Variants in DYTN observed in about 807,000 individuals in gnomAD.
DYTN encodes the protein dystrotelin.
A neutral mutation model predicts 69.6 loss-of-function variants in DYTN; 75 were observed. The observed-to-expected ratio is 1.08, with a 90% CI of 0.89 to 1.31. The LOEUF (loss-of-function observed/expected upper bound fraction) is 1.31, where lower values mean the gene tolerates loss of function less well. Among genes scored for constraint, DYTN ranks in the 50% most tolerant of loss-of-function variants. The pLI, the probability that DYTN is intolerant of heterozygous loss-of-function variation, is 0.00. For missense variants in DYTN, 726 were observed against 688.4 expected (o/e 1.05, Z -0.61); for synonymous variants, 252 against 249.1 (o/e 1.01, Z -0.11).
chr2:206,708,171 T>C (rs1700045866), intron 2 of DYTN, among the ~76,000 whole-genome samples: 1 of 152,210 alleles, frequency 6.6e-6, no homozygotes, highest in African/African-American at 2.4e-5. Flanking sequence ...ATGGTTTATT[T>C]CTTATACTGA....
intron 9 of DYTN, among the ~76,000 whole-genome samples, chr2:206,679,921 G>A (rs773674921): frequency 6.6e-6 from 1 of 152,136 alleles, no homozygotes; most frequent in African/African-American, 2.4e-5. Flanking sequence ...GTATTGTTCT[G>A]CTCTGTCTTC....
intron 9 of DYTN, among the ~76,000 whole-genome samples, chr2:206,673,102 G>T (rs568693855): frequency 6.6e-6 from 1 of 152,054 alleles, no homozygotes; most frequent in South Asian, 2.1e-4. Flanking sequence ...CCTCCAGTAG[G>T]CCCCAGTGTG....
chr2:206,655,356 T>C (rs934572598), intron 11 of DYTN, among the ~76,000 whole-genome samples: 1 of 151,762 alleles, frequency 6.6e-6, no homozygotes, highest in Non-Finnish European at 1.5e-5. Context: ...AATGATTCTC[T>C]TGTCTCAGTC....
intron 1 of DYTN, among the ~76,000 whole-genome samples, chr2:206,711,719 A>G (rs1472817302): frequency 6.6e-6 from 1 of 151,532 alleles, no homozygotes; most frequent in African/African-American, 2.4e-5. Flanking sequence ...GTATCTCCCA[A>G]TCCTATCCCT....
chr2:206,662,657 T>G (rs1699525453), intron 11 of DYTN, among the ~76,000 whole-genome samples: 1 of 151,726 alleles, frequency 6.6e-6, no homozygotes, highest in Non-Finnish European at 1.5e-5. Flanking sequence ...ATTTACTGAA[T>G]GCTCACTATA....
At chr2:206,708,166 T>G (rs1700045811) in intron 2 of DYTN, among the ~76,000 whole-genome samples, 1 of 152,208 alleles carries the variant, frequency 6.6e-6, no homozygotes, top group African/African-American at 2.4e-5. Flanking sequence ...AAATAATGGT[T>G]TATTTCTTAT....
At chr2:206,681,073 T>C (rs1484305198) in intron 9 of DYTN, among the ~76,000 whole-genome samples, 1 of 152,228 alleles carries the variant, frequency 6.6e-6, no homozygotes, top group Non-Finnish European at 1.5e-5. Flanking sequence ...TAGTTCTCCT[T>C]GAAGAGGTCC....
chr2:206,655,553 G>A (rs1251017719), intron 11 of DYTN, among the ~76,000 whole-genome samples: 1 of 151,746 alleles, frequency 6.6e-6, no homozygotes, highest in African/African-American at 2.4e-5. Context: ...GGGACTGCAG[G>A]CACGTACCAA....
intron 1 of DYTN, among the ~76,000 whole-genome samples, chr2:206,714,193 CACTCTT>C (rs1700105762): frequency 6.6e-6 from 1 of 151,992 alleles, no homozygotes; most frequent in African/African-American, 2.4e-5. Flanking sequence ...GTTTAAGGGC[CACTCTT>C]TTTTCTTTCT....
intron 2 of DYTN, 63 bp downstream of exon 2, chr2:206,710,461 T>A (rs940046180): frequency 4.2e-5 from 62 of 1,485,066 alleles, no homozygotes; most frequent in Non-Finnish European, 5.5e-5. Flanking sequence ...GTTTTCTCTA[T>A]GAATTTTACA....
At chr2:206,693,058 C>G (rs957328312) in intron 9 of DYTN, 117 bp downstream of exon 9, 2 of 1,382,260 alleles carry the variant, frequency 1.4e-6, no homozygotes, top group Non-Finnish European at 9.5e-7. Flanking sequence ...AACCCTCACC[C>G]CTCCTCCTGC....
In DYTN at chr2:206,699,772, G is replaced by C; in HGVS notation, c.674C>G (p.Pro225Arg). The part of the protein sequence containing the change: ...RLSAAERVTH[P>R]ARCTLCRTFP... The stretch of plus-strand genomic sequence containing the variant: ...AGTCCTGCAGAGAGTGCACCGAGCA[G>C]GGTGAGTGACCCTTTCAGCAGCTGA... Residue 225 changes from proline (P) to arginine (R), a missense_variant, in exon 7 of 12, where the codon CCT (proline) becomes CGT (arginine). Pro to Arg is a moderately radical substitution (Grantham distance 103). Transcript: ENST00000452335. 2 of 1,613,870 alleles carry C rather than the reference G, an allele frequency of 1.2e-6. No homozygotes were observed. The highest frequency in any genetic ancestry group is 1.7e-6 in the Non-Finnish European group (2 of 1,179,814).
chr2:206,710,756 T>C (rs1700072526), intron 1 of DYTN, among the ~76,000 whole-genome samples, 158 bp from the exon 2 acceptor site: 1 of 152,110 alleles, frequency 6.6e-6, no homozygotes, highest in African/African-American at 2.4e-5. Flanking sequence ...CAAATAAAAA[T>C]AGACTTACAT....
At position 206,707,388 on chromosome 2, in the gene DYTN, A is replaced by G; in HGVS notation, c.210T>C (p.Phe70=). Residue 70 remains phenylalanine, a synonymous_variant, in exon 3 of 12, where the codon TTT becomes TTC. Coordinates refer to ENST00000452335, the MANE Select transcript of DYTN (RefSeq NM_001093730.1). ...QQLSQALQEL[F]QKAREENPGQ... Reference sequence around the variant, plus strand: ...CTGGGTTTTCCTCCCTGGCCTTCTGAAACAGCTCTTGGAGTGCCTGAGAAA... The same window carrying G: ...CTGGGTTTTCCTCCCTGGCCTTCTGGAACAGCTCTTGGAGTGCCTGAGAAA... 2 of 1,613,244 alleles carry G rather than the reference A, an allele frequency of 1.2e-6. No individual in the cohort carries two copies. The highest frequency in any genetic ancestry group is 1.7e-6 in the Non-Finnish European group (2 of 1,179,694).
Position 206,706,346 on chromosome 2 carries a change from G to A in DYTN, c.297-473C>T, listed in dbSNP as rs189198358. Among the ~76,000 whole-genome samples, 13 of 152,206 alleles carry A rather than the reference G, an allele frequency of 8.5e-5. No homozygotes were observed. In the South Asian group the frequency reaches 1.2e-3, roughly 15 times the overall value. ...CCCACTTGCTGTCTAGTTTACAAAC[G>A]TACTGAACAATTTATCGAAGGCAGG... On this transcript the variant is annotated intron_variant, in intron 3 of 11. Transcript: ENST00000452335.
chr2:206,659,991 G>T (rs972459297), intron 11 of DYTN, among the ~76,000 whole-genome samples: 1 of 115,386 alleles, frequency 8.7e-6, no homozygotes, highest in Non-Finnish European at 1.9e-5. Context: ...TACTTGCAAA[G>T]TATAAAGATG....
intron 2 of DYTN, among the ~76,000 whole-genome samples, chr2:206,708,872 G>A (rs1354368017): frequency 6.6e-6 from 1 of 152,116 alleles, no homozygotes; most frequent in Non-Finnish European, 1.5e-5. Flanking sequence ...CACTGTTTCT[G>A]ATGCCAGAGA....
chr2:206,703,370 T>C (rs2105900301), intron 5 of DYTN, among the ~76,000 whole-genome samples: 1 of 152,192 alleles, frequency 6.6e-6, no homozygotes. Context: ...TGATATGAGA[T>C]GGGTGGAAGT....
intron 9 of DYTN, among the ~76,000 whole-genome samples, chr2:206,680,799 T>A (rs1255008070): frequency 3.3e-5 from 5 of 152,270 alleles, no homozygotes; most frequent in South Asian, 2.1e-4. Flanking sequence ...CTCCAATAAT[T>A]CTCCCCTGTT....
Sources: gnomAD v4.1 joint callset for allele counts (sites outside exome capture counted in the v4.1 genomes callset) on GRCh38, gnomAD v4.1.1 for gene constraint, MANE v1.5 for transcripts, NCBI Gene and HGNC (gene_info 2026-07-23, HGNC 2026-07-21) for gene names.